The following CLSPN variants were observed in gnomAD, a reference collection of about 807,000 sequenced individuals.
CLSPN encodes the protein claspin homolog.
CLSPN carries 85 observed loss-of-function variants against 156.3 expected under a neutral mutation model. The observed-to-expected ratio is 0.54, with a 90% confidence interval of 0.46 to 0.65. The LOEUF (loss-of-function observed/expected upper bound fraction) is 0.65. Ranked by LOEUF, CLSPN falls within the 30% of genes least tolerant of loss-of-function variation. The probability of loss-of-function intolerance (pLI) is 0.00; values close to 1 mark genes in which losing one functional copy is unlikely to be tolerated. For synonymous variants in CLSPN, 534 were observed against 542.4 expected (o/e 0.98, Z 0.22); for missense variants, 1,407 against 1,554.9 (o/e 0.90, Z 1.60).
In CLSPN at chr1:35,733,260, G is replaced by A. The variant is rs144306073; in HGVS notation, c.*3236C>T. Among the ~76,000 whole-genome samples, 80 of 150,482 alleles carry A rather than the reference G, an allele frequency of 5.3e-4. No homozygotes were observed. The highest frequency in any genetic ancestry group is 1.8e-3 in the African/African-American group (72 of 41,044). ...TGAGATTACAGGCATAAGCCACCAC[G>A]CCCAGCCCAGAAACCATTTTCTCCC... On this transcript the variant is annotated 3_prime_UTR_variant, in exon 25 of 25. Transcript: ENST00000318121.
chr1:35,766,800 G>A (rs1642693508), intron 1 of CLSPN, among the ~76,000 whole-genome samples: 1 of 150,888 alleles, frequency 6.6e-6, no homozygotes, highest in African/African-American at 2.4e-5. Context: ...TATTGCCCAA[G>A]CTGGAGTGCA....
intron 18 of CLSPN, among the ~76,000 whole-genome samples, chr1:35,741,726 G>A (rs1020751242): frequency 6.6e-6 from 1 of 152,214 alleles, no homozygotes; most frequent in Non-Finnish European, 1.5e-5. Flanking sequence ...TGTAATCCCA[G>A]CATGTTGGAA....
chr1:35,762,125 A>C, intron 5 of CLSPN, 55 bp from the exon 6 acceptor site: 1 of 1,295,378 alleles, frequency 7.7e-7, no homozygotes, highest in Non-Finnish European at 1.1e-6. Flanking sequence ...CCAGAAAGAT[A>C]GATATTCATC....
intron 2 of CLSPN, 48 bp from the exon 3 acceptor site, chr1:35,764,762 C>T: frequency 8.3e-7 from 1 of 1,208,298 alleles, no homozygotes; most frequent in Non-Finnish European, 1.1e-6. Context: ...TGATCTTCCT[C>T]CTAGTCCCAC....
At chr1:35,736,640 A>C (rs1370061257) in intron 24 of CLSPN, 34 bp from the exon 25 acceptor site, 3 of 1,586,552 alleles carry the variant, frequency 1.9e-6, no homozygotes, top group East Asian at 2.2e-5. Context: ...GGCCAGCTAA[A>C]GACCTTCATA....
At chr1:35,743,023 G>C in intron 18 of CLSPN, 118 bp downstream of exon 18, 1 of 731,736 alleles carries the variant, frequency 1.4e-6, no homozygotes, top group South Asian at 1.6e-5. Flanking sequence ...CTGACCTCAG[G>C]TGATCCGCCT....
At chr1:35,728,909 A>T (rs180872027), downstream of CLSPN, among the ~76,000 whole-genome samples, 1 of 135,004 alleles carries the variant, frequency 7.4e-6, no homozygotes, top group Admixed American at 8.4e-5. Context: ...ACTCAACCTC[A>T]CCCTCCCCTC....
At position 35,746,887 on chromosome 1, in the gene CLSPN, C is replaced by T. The variant is rs767546263; in HGVS notation, c.2733G>A (p.Leu911=). 3 of 1,614,084 alleles carry T rather than the reference C, an allele frequency of 1.9e-6. No individual in the cohort carries two copies. Among genetic ancestry groups the T allele is most frequent in the Admixed American group, 1.7e-5 (1 of 60,028 alleles). The change falls in exon 15 of 25, where the codon CTG becomes CTA. Residue 911 remains leucine (L), a synonymous_variant. Coordinates refer to ENST00000318121, the MANE Select transcript of CLSPN (RefSeq NM_022111.4). This position sits in a 1 kb window ranked among gnomAD's most constrained non-coding sequence, Gnocchi z 4.2. ...ENAMDANMDE[L]LDLCTGKFTS... ...TGAACTTTCCAGTACACAAATCCAACAGCTCATCCATGTTGGCATCCATGG... is the reference window on the plus strand; with the variant it reads ...TGAACTTTCCAGTACACAAATCCAATAGCTCATCCATGTTGGCATCCATGG...
At chr1:35,743,583 G>A (rs980520092) in intron 16 of CLSPN, 53 bp from the exon 17 acceptor site, 1 of 1,423,962 alleles carries the variant, frequency 7.0e-7, no homozygotes, top group Non-Finnish European at 9.8e-7. Context: ...CAAACTACAA[G>A]TAGTCAGCCA....
intron 11 of CLSPN, 32 bp from the exon 12 acceptor site, chr1:35,749,563 T>C (rs377635571): frequency 5.0e-6 from 8 of 1,614,068 alleles, no homozygotes; most frequent in Non-Finnish European, 6.8e-6. Context: ...TGGTTCAGTA[T>C]CTGTTCCTAG....
rs571280600 is a variant in CLSPN, at chr1:35,735,039, G to A, written c.*1457C>T. On this transcript the variant is annotated 3_prime_UTR_variant, in exon 25 of 25. Transcript: ENST00000318121. ...AAAATTAGTAATGAAATGCTGAAAT[G>A]TCCATTGATTAGTGAGGGCAATGTA... 1.4e-5 allele frequency: 14 copies of A among 985,380 alleles called. No homozygotes were observed. In the African/African-American group the frequency reaches 2.4e-4, roughly 17 times the overall value. 61.0% of individuals were successfully genotyped at this position (985,380 alleles called of 1,614,324 possible).
chr1:35,765,230 A>G lies in CLSPN; in HGVS notation c.121T>C (p.Leu41=), dbSNP rs752356262. The G allele has an allele frequency of 7.4e-5, 119 of 1,610,112 alleles. No individual in the cohort carries two copies. Among genetic ancestry groups the G allele is most frequent in the Non-Finnish European group, 9.7e-5 (114 of 1,176,908 alleles). ...TACTATTACAAACCTCCTTCACTCA[A>G]GGGTCCAATTGTTTCATAGCTGCCC... ...GQGSYETIGP[L]SEGDSDEEIF... The change falls in exon 2 of 25, where the codon TTG becomes CTG. Residue 41 remains leucine (L), a synonymous_variant. Coordinates refer to ENST00000318121, the MANE Select transcript of CLSPN (RefSeq NM_022111.4).
Position 35,761,995 on chromosome 1 carries a change from T to C in CLSPN, c.895+3A>G. The C allele has an allele frequency of 6.2e-7, 1 of 1,608,092 alleles. No individual in the cohort carries two copies. The highest frequency in any genetic ancestry group is 8.5e-7 in the Non-Finnish European group (1 of 1,175,332). On this transcript the variant is annotated splice_donor_region_variant and intron_variant, in intron 6 of 24. Transcript: ENST00000318121. ...TGCCTCAAAGTTTACTGGGTTGCATTACCTCGAATAAGGCGCTGAGTCTCA... is the reference window on the plus strand; with the variant it reads ...TGCCTCAAAGTTTACTGGGTTGCATCACCTCGAATAAGGCGCTGAGTCTCA...
intron 1 of CLSPN, among the ~76,000 whole-genome samples, chr1:35,765,779 A>G (rs1039007838): frequency 6.6e-5 from 10 of 152,200 alleles, no homozygotes; most frequent in African/African-American, 2.2e-4. Context: ...AAACAACCAG[A>G]CATTATGTGC....
Position 35,751,417 on chromosome 1 carries a change from T to A in CLSPN, c.1861A>T (p.Lys621Ter). ...TCAAACCCATCTTCATTATCTAATT[T>A]AAACAGTGCTTGGCGCTTCTGGCGC... ...EERQKRQALF[K>*]LDNEDGFEEE... is the part of the protein sequence containing the mutation. The change falls in exon 10 of 25, where the codon AAA becomes TAA. Residue 621 changes from lysine to a stop codon, truncating the protein, a stop_gained. Transcript: ENST00000318121. LOFTEE classifies it high-confidence loss of function. 1 of 1,614,102 alleles carries A rather than the reference T, an allele frequency of 6.2e-7. No homozygotes were observed. The highest frequency in any genetic ancestry group is 8.5e-7 in the Non-Finnish European group (1 of 1,180,030).
exon 25 of CLSPN, chr1:35,720,937 G>A (rs1217408568): frequency 6.2e-7 from 1 of 1,612,108 alleles, no homozygotes; most frequent in Non-Finnish European, 8.5e-7. Flanking sequence ...AGGGATAGGA[G>A]CTCCACTCCA....
Position 35,734,431 on chromosome 1 carries a change from G to A in CLSPN, c.*2065C>T, listed in dbSNP as rs1641394166. 1.7e-5 allele frequency: 16 copies of A among 951,158 alleles called. No homozygotes were observed. Among genetic ancestry groups the A allele is most frequent in the Non-Finnish European group, 2.0e-5 (16 of 798,806 alleles). The allele number at this position is 951,158 out of a possible 1,614,324, so 58.9% of individuals were successfully genotyped here. On this transcript the variant is annotated 3_prime_UTR_variant, in exon 25 of 25. Coordinates refer to ENST00000318121, the MANE Select transcript of CLSPN (RefSeq NM_022111.4). ...GCGGTGGCTCATGCCTATAATCCCA[G>A]CACTTTGGGAGGCCGAGACGGGTGG...
At chr1:35,749,250 A>G (rs1487290122) in intron 12 of CLSPN, among the ~76,000 whole-genome samples, 1 of 152,188 alleles carries the variant, frequency 6.6e-6, no homozygotes, top group East Asian at 1.9e-4. Flanking sequence ...ATCAACACAC[A>G]TTCACTAAGG....
At chr1:35,750,814 G>A (rs1642058184) in intron 10 of CLSPN, among the ~76,000 whole-genome samples, 1 of 151,940 alleles carries the variant, frequency 6.6e-6, no homozygotes, top group Non-Finnish European at 1.5e-5. Context: ...TACAAAGAAC[G>A]AAAATAACTC....
Sources: gnomAD v4.1 joint callset for allele counts (sites outside exome capture counted in the v4.1 genomes callset) on GRCh38, gnomAD v4.1.1 for gene constraint, Gnocchi (gnomAD v3.1) non-coding constraint, MANE v1.5 for transcripts, NCBI Gene and HGNC (gene_info 2026-07-23, HGNC 2026-07-21) for gene names.